Variants in CHST9 observed in about 807,000 individuals in gnomAD.
CHST9 encodes GalNAc-4-sulfotransferase 2.
In CHST9, 41 loss-of-function variants were observed where a neutral mutation model predicts 44.4. The observed-to-expected ratio is 0.92, with a 90% CI of 0.72 to 1.20. The LOEUF (loss-of-function observed/expected upper bound fraction) is 1.20. Among genes scored for constraint, CHST9 ranks in the 50% most tolerant of loss-of-function variants. The pLI is 0.00. For synonymous variants in CHST9, 171 were observed against 178.4 expected (o/e 0.96, Z 0.33); for missense variants, 504 against 516.5 (o/e 0.98, Z 0.23).
chr18:27,144,827 C>T (rs1444056440), intron 1 of CHST9, among the ~76,000 whole-genome samples: 5 of 152,056 alleles, frequency 3.3e-5, no homozygotes, highest in Admixed American at 3.3e-4. Flanking sequence ...GAAATCAGAA[C>T]AAGAGATGAC....
In CHST9 at chr18:27,142,725, T is replaced by A; in HGVS notation, c.85A>T (p.Met29Leu). 1 of 1,611,160 alleles carries A rather than the reference T, an allele frequency of 6.2e-7. No homozygotes were observed. Among genetic ancestry groups the A allele is most frequent in the Non-Finnish European group, 8.5e-7 (1 of 1,178,590 alleles). ...IFGVAGLLLF[M>L]YLQVWIEEQH... is the part of the protein sequence containing the mutation. ...TCTTCAATCCAGACTTGCAAATACATGAAGAGGAGTAGCCCAGCTACTCCA... is the reference window on the plus strand; with the variant it reads ...TCTTCAATCCAGACTTGCAAATACAAGAAGAGGAGTAGCCCAGCTACTCCA... The change falls in exon 2 of 6, where the codon ATG becomes TTG. Residue 29 changes from methionine to leucine, a missense_variant. Met to Leu is a conservative substitution (Grantham distance 15). Coordinates refer to ENST00000618847, the MANE Select transcript of CHST9 (RefSeq NM_031422.6).
chr18:27,093,112 T>G (rs558671406), intron 2 of CHST9, among the ~76,000 whole-genome samples: 1 of 152,262 alleles, frequency 6.6e-6, no homozygotes, highest in South Asian at 2.1e-4. Context: ...GGAAGCTTCA[T>G]CCCAGAGGGG....
intron 4 of CHST9, among the ~76,000 whole-genome samples, chr18:27,019,689 CAAAAA>C (rs60043018): frequency 0.18 from 16,146 of 91,236 alleles, 946 homozygotes; most frequent in East Asian, 0.32. Context: ...CACTACATGG[CAAAAA>C]AAAAAAAAAA....
chr18:27,069,698 T>C (rs1298708519), intron 2 of CHST9, among the ~76,000 whole-genome samples: 1 of 152,206 alleles, frequency 6.6e-6, no homozygotes. Flanking sequence ...ATTCCTGCTA[T>C]ATTAATTCAT....
intron 4 of CHST9, among the ~76,000 whole-genome samples, chr18:27,015,782 TTC>T (rs1370007102): frequency 6.6e-5 from 10 of 152,148 alleles, no homozygotes; most frequent in African/African-American, 2.2e-4. Context: ...TTTAGTAGAA[TTC>T]TCTGCTTCTT....
intron 2 of CHST9, among the ~76,000 whole-genome samples, chr18:27,092,392 C>T (rs2143720886): frequency 6.6e-6 from 1 of 151,890 alleles, no homozygotes; most frequent in East Asian, 1.9e-4. Flanking sequence ...TTCAAAAAAC[C>T]AGCTCCTGGA....
chr18:26,916,274 T>C lies in CHST9; in HGVS notation c.1317A>G (p.Thr439=). The C allele has an allele frequency of 2.6e-6, 4 of 1,564,374 alleles. No individual in the cohort carries two copies. Among genetic ancestry groups the C allele is most frequent in the South Asian group, 1.1e-5 (1 of 87,772 alleles). The change falls in exon 6 of 6, where the codon ACA becomes ACG. Residue 439 remains threonine, a synonymous_variant. Coordinates refer to ENST00000618847, the MANE Select transcript of CHST9 (RefSeq NM_031422.6). ...TGAATGCAAACTACAAAAATGGAGT[T>C]GTATAATTAAACATTAAATAGTCCA... ...YYLDYLMFNY[T]TPFL
Position 27,137,380 on chromosome 18 carries a change from G to C in CHST9, c.121+5309C>G, listed in dbSNP as rs1487437782. ...TATAGAGAGAGAGAGAGAGAAAGAG[G>C]CACTGATTGACTGTGGGGGTGATCA... On this transcript the variant is annotated intron_variant, in intron 2 of 5. Transcript: ENST00000618847. Among the ~76,000 whole-genome samples the C allele has an allele frequency of 3.4e-5, 5 of 146,486 alleles. No homozygotes were observed. In the South Asian group the frequency reaches 6.8e-4, roughly 20 times the overall value.
chr18:27,063,216 G>T (rs757289207), intron 2 of CHST9, among the ~76,000 whole-genome samples: 4 of 152,168 alleles, frequency 2.6e-5, no homozygotes, highest in Non-Finnish European at 5.9e-5. Context: ...GTAAACATTA[G>T]ATTCTGGATT....
intron 1 of CHST9, among the ~76,000 whole-genome samples, chr18:27,143,800 G>C (rs2143873588): frequency 6.6e-6 from 1 of 152,110 alleles, no homozygotes; most frequent in Middle Eastern, 3.4e-3. Flanking sequence ...TGGGGGATGG[G>C]GGGCAAGGGG....
At chr18:27,139,110 T>G (rs940253508) in intron 2 of CHST9, among the ~76,000 whole-genome samples, 1 of 152,160 alleles carries the variant, frequency 6.6e-6, no homozygotes. Flanking sequence ...ATATTTCAGA[T>G]TTTTTGGATT....
At chr18:27,012,438 A>C (rs2057096461) in intron 4 of CHST9, among the ~76,000 whole-genome samples, 1 of 152,182 alleles carries the variant, frequency 6.6e-6, no homozygotes, top group Non-Finnish European at 1.5e-5. Flanking sequence ...GTGGAAGTGG[A>C]TCTCATAAAG....
At chr18:27,091,011 C>T (rs990229295) in intron 2 of CHST9, among the ~76,000 whole-genome samples, 15 of 152,176 alleles carry the variant, frequency 9.9e-5, no homozygotes, top group African/African-American at 2.2e-4. Context: ...ATGGGGATGG[C>T]GTTGAATCTA....
chr18:27,138,278 C>G (rs1452329771), intron 2 of CHST9, among the ~76,000 whole-genome samples: 1 of 152,186 alleles, frequency 6.6e-6, no homozygotes, highest in East Asian at 1.9e-4. Flanking sequence ...CACCATGGTG[C>G]TCAGCACATC....
intron 2 of CHST9, among the ~76,000 whole-genome samples, chr18:27,052,023 T>G (rs1259513636): frequency 6.6e-6 from 1 of 152,146 alleles, no homozygotes; most frequent in South Asian, 2.1e-4. Flanking sequence ...GCATCTCATG[T>G]TTCAGAAGGG....
chr18:26,985,397 G>A (rs2056742691), intron 4 of CHST9, among the ~76,000 whole-genome samples: 1 of 152,280 alleles, frequency 6.6e-6, no homozygotes, highest in South Asian at 2.1e-4. Flanking sequence ...ATTAACTACG[G>A]TTTGCATGAC....
At chr18:26,972,110 A>C (rs2056553166) in intron 4 of CHST9, among the ~76,000 whole-genome samples, 2 of 152,060 alleles carry the variant, frequency 1.3e-5, no homozygotes, top group Admixed American at 1.3e-4. Context: ...CAATCCCAGC[A>C]CTTTGGGAGG....
At chr18:27,122,375 T>C (rs2058381649) in intron 2 of CHST9, among the ~76,000 whole-genome samples, 1 of 152,218 alleles carries the variant, frequency 6.6e-6, no homozygotes, top group Non-Finnish European at 1.5e-5. Flanking sequence ...TGCATTCTAT[T>C]GTGAGTAGAC....
intron 4 of CHST9, among the ~76,000 whole-genome samples, chr18:27,017,927 G>T (rs2057174483): frequency 6.6e-6 from 1 of 152,110 alleles, no homozygotes; most frequent in African/African-American, 2.4e-5. Flanking sequence ...TATCAACTTA[G>T]TTTATCAAGT....
Sources: gnomAD v4.1 joint callset for allele counts (sites outside exome capture counted in the v4.1 genomes callset) on GRCh38, gnomAD v4.1.1 for gene constraint, MANE v1.5 for transcripts, NCBI Gene and HGNC (gene_info 2026-07-23, HGNC 2026-07-21) for gene names.